ISL2: variants seen among roughly 807,000 people sequenced by gnomAD.
ISL2 encodes insulin gene enhancer protein ISL-2.
ISL2 carries 17 observed loss-of-function variants against 34.6 expected under a neutral mutation model. The ratio of observed to expected loss-of-function variants is 0.49; its 90% CI spans 0.34 to 0.74. ISL2 has a LOEUF of 0.74. ISL2 is among the 30% of genes least tolerant of loss of function. The pLI is 0.01. For synonymous variants in ISL2, 232 were observed against 225.5 expected (o/e 1.03, Z -0.26); for missense variants, 469 against 515.2 (o/e 0.91, Z 0.87).
At chr15:76,339,923 G>C in intron 3 of ISL2, 1 of 1,085,890 alleles carries the variant, frequency 9.2e-7, no homozygotes. Context: ...CTGAAACTCC[G>C]ACTTCTTCCG....
intron 2 of ISL2, 121 bp from the exon 3 acceptor site, chr15:76,338,131 G>A (rs986133108): frequency 2.2e-5 from 30 of 1,371,130 alleles, no homozygotes; most frequent in Non-Finnish European, 2.8e-5. Flanking sequence ...GCCCGCAGGC[G>A]GGTCACCGCA....
At chr15:76,338,754 GT>G (rs1484794904) in intron 3 of ISL2, 8 of 985,320 alleles carry the variant, frequency 8.1e-6, no homozygotes, top group Middle Eastern at 5.2e-4. Context: ...GCAGAATCGT[GT>G]TCTCCATGAC....
chr15:76,341,285 C>A lies in ISL2; in HGVS notation c.947C>A (p.Pro316His), dbSNP rs753934760. The A allele has an allele frequency of 6.2e-7, 1 of 1,603,598 alleles. No homozygotes were observed. The highest frequency in any genetic ancestry group is 8.5e-7 in the Non-Finnish European group (1 of 1,175,248). ...GCCCTCCAGAGCGACCTGGACCAAC[C>A]CGCCTTCCAACAGCTGGTGAGGCCC... ...EFALQSDLDQPAFQQLVSFSE... is the reference protein window; with the variant it reads ...EFALQSDLDQHAFQQLVSFSE... Residue 316 changes from proline to histidine, a missense_variant, in exon 5 of 6, where the codon CCC becomes CAC. Coordinates refer to ENST00000290759, the MANE Select transcript of ISL2 (RefSeq NM_145805.3).
At chr15:76,338,661 G>A (rs778984513) in intron 3 of ISL2, 147 bp downstream of exon 3, 1 of 1,228,462 alleles carries the variant, frequency 8.1e-7, no homozygotes, top group Non-Finnish European at 1.0e-6. Flanking sequence ...GTGCGGAACT[G>A]TGTGCTGGGA....
rs923883625 is a variant in ISL2 at position 76,342,070 on chromosome 15, T to C, written c.*235T>C. 4.3e-6 allele frequency: 2 copies of C among 468,758 alleles called. No individual in the cohort carries two copies. Among genetic ancestry groups the C allele is most frequent in the South Asian group, 3.1e-5 (1 of 32,556 alleles). 29.0% of individuals were successfully genotyped at this position (468,758 alleles called of 1,614,324 possible). ...CTCTTAGTTTTTCAAAACCAGAATC[T>C]GGGACTTACCAGGGTTAGCTCTGCC... On this transcript the variant is annotated 3_prime_UTR_variant, in exon 6 of 6. Coordinates refer to ENST00000290759, the MANE Select transcript of ISL2 (RefSeq NM_145805.3).
At chr15:76,341,668 C>T (rs760976977) in intron 5 of ISL2, 51 bp from the exon 6 acceptor site, 7 of 1,346,830 alleles carry the variant, frequency 5.2e-6, no homozygotes, top group Non-Finnish European at 7.5e-6. Context: ...CCTGGAGCAC[C>T]AGCTCGCGTG....
intron 3 of ISL2, chr15:76,338,735 G>A (rs2141581995): frequency 1.0e-6 from 1 of 985,426 alleles, no homozygotes; most frequent in Non-Finnish European, 1.2e-6. Context: ...TGTGAGCACG[G>A]AGAATTGTGC....
chr15:76,341,790 C>A lies in ISL2; in HGVS notation c.1035C>A (p.Leu345=), dbSNP rs1474394598. ...ACGTGACCTCCCTGTCCTCGCAGCT[C>A]CCGGACACCCCCAACAGTATGGTGC... ...GSDVTSLSSQ[L]PDTPNSMVPS... The change falls in exon 6 of 6, where the codon CTC becomes CTA. Residue 345 remains leucine, a synonymous_variant. Transcript: ENST00000290759. 2 of 1,613,750 alleles carry A rather than the reference C, an allele frequency of 1.2e-6. No individual in the cohort carries two copies. The highest frequency in any genetic ancestry group is 2.7e-5 in the African/African-American group (2 of 74,928).
chr15:76,337,483 T>C (rs1479907160), intron 1 of ISL2: 2 of 421,508 alleles, frequency 4.7e-6, no homozygotes, highest in African/African-American at 2.0e-5. Flanking sequence ...ACTCTCTTCT[T>C]AGTTTCGTGT....
Position 76,342,397 on chromosome 15 carries a change from G to A in ISL2, c.*562G>A, listed in dbSNP as rs2040201616. 6.6e-6 allele frequency: 1 copy of A among 152,454 alleles called. No individual in the cohort carries two copies. Among genetic ancestry groups the A allele is most frequent in the Admixed American group, 6.5e-5 (1 of 15,302 alleles). 9.4% of individuals were successfully genotyped at this position (152,454 alleles called of 1,614,324 possible). A position where few individuals can be genotyped will look rare whatever the true frequency, so the allele number is the denominator to read the frequency against. On this transcript the variant is annotated 3_prime_UTR_variant, in exon 6 of 6. Coordinates refer to ENST00000290759, the MANE Select transcript of ISL2 (RefSeq NM_145805.3). ...GCCTTTGCCGAACAAACAAACGTAA[G>A]TTATTGTTATTTATTGTGAGAACAG...
chr15:76,339,815 C>A (rs1371048083), intron 3 of ISL2: 9 of 997,044 alleles, frequency 9.0e-6, no homozygotes, highest in Non-Finnish European at 1.1e-5. Context: ...CCGGCATATT[C>A]GCACCTCCCA....
intron 3 of ISL2, 77 bp from the exon 4 acceptor site, chr15:76,340,199 G>C (rs2141583102): frequency 6.9e-7 from 1 of 1,457,262 alleles, no homozygotes; most frequent in Non-Finnish European, 9.0e-7. Flanking sequence ...CCGGGGGGCT[G>C]GGCCACCCGG....
In ISL2 at chr15:76,340,367, G is replaced by A. The variant is rs937045841; in HGVS notation, c.603G>A (p.Lys201=). The part of the protein sequence containing the change: ...TTRVRTVLNE[K]QLHTLRTCYA... ...GCGTGCGGACTGTGCTGAACGAGAA[G>A]CAGCTGCACACTCTGCGGACCTGCT... Residue 201 remains lysine (K), a synonymous_variant, in exon 4 of 6, where the codon AAG becomes AAA. Coordinates refer to ENST00000290759, the MANE Select transcript of ISL2 (RefSeq NM_145805.3). 1 of 1,613,340 alleles carries A rather than the reference G, an allele frequency of 6.2e-7. No homozygotes were observed. The highest frequency in any genetic ancestry group is 1.3e-5 in the African/African-American group (1 of 74,924).
chr15:76,339,631 G>C, intron 3 of ISL2: 1 of 985,654 alleles, frequency 1.0e-6, no homozygotes, highest in Non-Finnish European at 1.2e-6. Flanking sequence ...AGGCCACTGG[G>C]CTGGGGAACC....
intron 3 of ISL2, 79 bp from the exon 4 acceptor site, chr15:76,340,197 C>T: frequency 7.1e-7 from 1 of 1,412,114 alleles, no homozygotes; most frequent in Non-Finnish European, 9.3e-7. Flanking sequence ...CCCCGGGGGG[C>T]TGGGCCACCC....
chr15:76,338,581 CT>C, intron 3 of ISL2, 67 bp downstream of exon 3: 1 of 1,264,710 alleles, frequency 7.9e-7, no homozygotes, highest in Non-Finnish European at 1.0e-6. Flanking sequence ...TAGGGGTACG[CT>C]TGTGTCCCTA....
In ISL2 at chr15:76,341,915, C is replaced by T. The variant is rs2040197447; in HGVS notation, c.*80C>T. 1.1e-6 allele frequency: 1 copy of T among 883,492 alleles called. No homozygotes were observed. Among genetic ancestry groups the T allele is most frequent in the East Asian group, 2.4e-5 (1 of 41,198 alleles). The allele number at this position is 883,492 out of a possible 1,614,324, so 54.7% of individuals were successfully genotyped here. On this transcript the variant is annotated 3_prime_UTR_variant, in exon 6 of 6. Transcript: ENST00000290759. Reference sequence around the variant, plus strand: ...ACCCATGCTCAGGCCATTCCAGTTCCGAAAGCTCTCTCGCCTTCGTAATTA... The same window carrying T: ...ACCCATGCTCAGGCCATTCCAGTTCTGAAAGCTCTCTCGCCTTCGTAATTA...
Position 76,341,864 on chromosome 15 carries a change from C to A in ISL2, c.*29C>A. On this transcript the variant is annotated 3_prime_UTR_variant, in exon 6 of 6. Coordinates refer to ENST00000290759, the MANE Select transcript of ISL2 (RefSeq NM_145805.3). ...GGACCCCTCCCTGCCAGCCCGCGGA[C>A]CTCGCATGCTCCCTGCATGAGACTC... 7.0e-7 allele frequency: 1 copy of A among 1,438,272 alleles called. No individual in the cohort carries two copies. Among genetic ancestry groups the A allele is most frequent in the African/African-American group, 1.4e-5 (1 of 71,468 alleles). The allele number at this position is 1,438,272 out of a possible 1,614,324, so 89.1% of individuals were successfully genotyped here.
Position 76,340,531 on chromosome 15 carries a change from T to TGCAGCAGCA in ISL2, c.774_782dup (p.Gln258_Gln260dup). ...AAGAAATCCATTCTCATGAAGCAGC[T>TGCAGCAGCA]GCAGCAGCAGCAGCACAGCGACAAG... On this transcript the variant is annotated inframe_insertion, in exon 4 of 6. Coordinates refer to ENST00000290759, the MANE Select transcript of ISL2 (RefSeq NM_145805.3). 6.2e-7 allele frequency: 1 copy of TGCAGCAGCA among 1,604,088 alleles called. No individual in the cohort carries two copies. The highest frequency in any genetic ancestry group is 1.3e-5 in the African/African-American group (1 of 74,810).
Sources: allele counts gnomAD v4.1 joint callset, GRCh38; gene constraint gnomAD v4.1.1; transcripts MANE v1.5; gene names NCBI Gene and HGNC (gene_info 2026-07-23, HGNC 2026-07-21).